PSME4: variants seen among roughly 807,000 people sequenced by gnomAD.
PSME4 encodes proteasome activator complex subunit 4.
Under a neutral mutation model 253.9 loss-of-function variants are expected in PSME4, and 89 were observed. That is an observed-to-expected ratio of 0.35 (90% CI 0.30 to 0.42). The LOEUF (loss-of-function observed/expected upper bound fraction) is 0.42, where lower values mean the gene tolerates loss of function less well. PSME4 is among the 10% of genes least tolerant of loss of function. The pLI is 1.00. For missense variants in PSME4, 2,014 were observed against 2,195.2 expected, an observed-to-expected ratio of 0.92 and a Z score of 1.65; for synonymous variants, 851 against 759.2, an observed-to-expected ratio of 1.12 and a Z score of -1.99.
At chr2:53,931,249 G>T (rs768502598) in intron 10 of PSME4, among the ~76,000 whole-genome samples, 2 of 151,884 alleles carry the variant, frequency 1.3e-5, no homozygotes, top group Non-Finnish European at 2.9e-5. Flanking sequence ...CAGCCTGGGG[G>T]ACTACAGCAA....
intron 22 of PSME4, 94 bp downstream of exon 22, chr2:53,908,689 TA>T: frequency 6.9e-7 from 1 of 1,442,844 alleles, no homozygotes; most frequent in Non-Finnish European, 9.5e-7. Flanking sequence ...CCATTTAGAA[TA>T]AAAAACATTA....
chr2:53,944,963 TAA>T (rs1321992212), intron 3 of PSME4, among the ~76,000 whole-genome samples: 1 of 152,086 alleles, frequency 6.6e-6, no homozygotes, highest in Non-Finnish European at 1.5e-5. Flanking sequence ...ACAATACATG[TAA>T]AAGAGAATAG....
At chr2:53,945,333 C>T (rs565725919) in intron 3 of PSME4, among the ~76,000 whole-genome samples, 2 of 152,234 alleles carry the variant, frequency 1.3e-5, no homozygotes, top group Admixed American at 6.5e-5. Flanking sequence ...ATTCTTATAT[C>T]GCTAACAATT....
chr2:53,951,309 C>T lies in PSME4; in HGVS notation c.243-2026G>A, dbSNP rs185924944. On this transcript the variant is annotated intron_variant, in intron 1 of 46. Coordinates refer to ENST00000404125, the MANE Select transcript of PSME4 (RefSeq NM_014614.3). ...TGTTGGCCAGGCTGGTCTCAAACTC[C>T]TGACCTTGAGATCCCCCCTGCCTTG... Among the ~76,000 whole-genome samples the T allele has an allele frequency of 3.0e-3, 462 of 152,330 alleles. 1 individual carries two copies. Among genetic ancestry groups the T allele is most frequent in the African/African-American group, 0.011 (450 of 41,584 alleles).
chr2:53,933,681 CA>C (rs1668966378), intron 8 of PSME4, among the ~76,000 whole-genome samples: 1 of 152,054 alleles, frequency 6.6e-6, no homozygotes, highest in Non-Finnish European at 1.5e-5. Flanking sequence ...GGCACTCAGC[CA>C]TATTTTCACA....
intron 10 of PSME4, among the ~76,000 whole-genome samples, chr2:53,930,065 A>C (rs1360850777): frequency 6.6e-6 from 1 of 151,896 alleles, no homozygotes; most frequent in Non-Finnish European, 1.5e-5. Flanking sequence ...ATAAATTTTA[A>C]AAGGTGATGC....
intron 17 of PSME4, 107 bp downstream of exon 17, chr2:53,922,410 C>CA (rs1491367128): frequency 6.7e-6 from 8 of 1,193,232 alleles, no homozygotes; most frequent in African/African-American, 1.5e-5. Context: ...ATTTCCAAAA[C>CA]TCTGACTTTT....
chr2:53,949,367 A>C (rs1669870264), intron 1 of PSME4, 84 bp from the exon 2 acceptor site: 3 of 826,006 alleles, frequency 3.6e-6, no homozygotes, highest in Non-Finnish European at 5.2e-6. Context: ...ATAGAAGCCA[A>C]GATGTAGATG....
chr2:53,919,148 T>C lies in PSME4; in HGVS notation c.2516+3A>G, dbSNP rs1292838212. 3 of 1,609,188 alleles carry C rather than the reference T, an allele frequency of 1.9e-6. No individual in the cohort carries two copies. On this transcript the variant is annotated splice_donor_region_variant and intron_variant, in intron 20 of 46. Transcript: ENST00000404125. ...TAAGTGGAAAACAGTTATTTTTACT[T>C]ACAAGTTAGTAACTGGCTCTCCTTT...
chr2:53,969,798 T>A (rs1670953004), intron 1 of PSME4, among the ~76,000 whole-genome samples: 1 of 150,868 alleles, frequency 6.6e-6, no homozygotes, highest in South Asian at 2.1e-4. Context: ...ACTCAAAAAA[T>A]TAACACAAGC....
At chr2:53,883,938 A>G (rs1679514969) in intron 41 of PSME4, among the ~76,000 whole-genome samples, 1 of 152,124 alleles carries the variant, frequency 6.6e-6, no homozygotes, top group Non-Finnish European at 1.5e-5. Context: ...TAAGTCTTAT[A>G]AGCATCTGAA....
chr2:53,874,575 C>G, intron 42 of PSME4, 81 bp from the exon 43 acceptor site: 2 of 1,278,554 alleles, frequency 1.6e-6, no homozygotes, highest in Non-Finnish European at 2.2e-6. Context: ...TACACACAAA[C>G]AATGTAATAT....
chr2:53,898,706 C>T (rs912341155), intron 29 of PSME4, among the ~76,000 whole-genome samples: 1 of 151,256 alleles, frequency 6.6e-6, no homozygotes, highest in Non-Finnish European at 1.5e-5. Context: ...ATTAGGTAGG[C>T]TATAAGAGTT....
intron 41 of PSME4, 90 bp downstream of exon 41, chr2:53,885,600 T>C: frequency 2.3e-6 from 2 of 852,436 alleles, no homozygotes; most frequent in African/African-American, 1.7e-5. Context: ...AAATTCACAC[T>C]GTCTGAAGAA....
intron 1 of PSME4, 119 bp from the exon 2 acceptor site, chr2:53,949,402 G>T (rs879722408): frequency 3.1e-5 from 16 of 511,842 alleles, no homozygotes; most frequent in African/African-American, 7.9e-5. Context: ...ACAGAAGGAT[G>T]AATGGATAAG....
chr2:53,970,514 GC>G (rs1671017728), intron 1 of PSME4, 28 bp downstream of exon 1: 1 of 1,547,482 alleles, frequency 6.5e-7, no homozygotes, highest in African/African-American at 1.4e-5. Context: ...TTTCCCCCCG[GC>G]CCGGCCCGCA....
chr2:53,920,272 A>T lies in PSME4; in HGVS notation c.2341T>A (p.Phe781Ile), dbSNP rs1433364198. The change falls in exon 19 of 47, where the codon TTT (phenylalanine) becomes ATT (isoleucine). Residue 781 changes from phenylalanine (F) to isoleucine (I), a missense_variant. Phe to Ile is a conservative substitution (Grantham distance 21, BLOSUM62 0). Coordinates refer to ENST00000404125, the MANE Select transcript of PSME4 (RefSeq NM_014614.3). ...TGAAGAAAGGAGTCCAAAAGATAAA[A>T]GGCAAAAGACACTTCTTCTGAAGAA... is the stretch of plus-strand genomic sequence containing the variant. ...VPSSEEVSFA[F>I]YLLDSFLQPE... 6.2e-7 allele frequency: 1 copy of T among 1,613,928 alleles called. No individual in the cohort carries two copies. The highest frequency in any genetic ancestry group is 8.5e-7 in the Non-Finnish European group (1 of 1,179,852).
Position 53,910,055 on chromosome 2 carries a change from T to A in PSME4, c.2572+20A>T, listed in dbSNP as rs374746197. 5.1e-6 allele frequency: 8 copies of A among 1,569,554 alleles called. No homozygotes were observed. The African/African-American group carries it at 1.1e-4, about 21-fold the overall frequency. ...ACAAAAATAATCCACACAGATTTAC[T>A]CAGATTAGGATTCACATACCATATT... On this transcript the variant is annotated intron_variant, in intron 21 of 46. Transcript: ENST00000404125.
chr2:53,901,511 T>G lies in PSME4; in HGVS notation c.3124A>C (p.Asn1042His), dbSNP rs775273728. 18 of 1,613,762 alleles carry G rather than the reference T, an allele frequency of 1.1e-5. No individual in the cohort carries two copies. The highest frequency in any genetic ancestry group is 1.5e-5 in the Non-Finnish European group (18 of 1,179,894). Residue 1042 changes from asparagine to histidine, a missense_variant, in exon 28 of 47, where the codon AAC (asparagine) becomes CAC (histidine). This residue lies in a region of PSME4 where 989 missense variants were observed against 1,021.1 expected (regional missense o/e 0.97). Transcript: ENST00000404125. ...ACAATACAGTCCCAATCATGAAGGT[T>G]TGCCAAGCACACACCACTGTGATTT... ...LGNHSGVCLA[N>H]LHDWDCIVQT...
Sources: allele counts gnomAD v4.1 joint callset (sites outside exome capture counted in the v4.1 genomes callset), GRCh38; gene constraint gnomAD v4.1.1; regional missense constraint gnomAD v4.1.1; transcripts MANE v1.5; gene names NCBI Gene and HGNC (gene_info 2026-07-23, HGNC 2026-07-21).